The following CACNA1H variants were observed in gnomAD, a reference collection of about 807,000 sequenced individuals.
CACNA1H encodes the protein calcium voltage-gated channel subunit alpha1 H.
In CACNA1H, 149 loss-of-function variants were observed where a neutral mutation model predicts 192.5. The observed-to-expected ratio is 0.77, with a 90% CI of 0.68 to 0.89. The LOEUF is 0.89. Among genes scored for constraint, CACNA1H ranks in the 40% least tolerant of loss-of-function variants. The pLI is 0.00. For missense variants in CACNA1H, 4,257 were observed against 3,423.5 expected, an observed-to-expected ratio of 1.24 and a Z score of -6.08; for synonymous variants, 2,202 against 1,475.2, an observed-to-expected ratio of 1.49 and a Z score of -11.29.
rs371550084 is a variant in CACNA1H at position 1,220,213 on chromosome 16, C to G, written c.6281C>G (p.Ser2094Trp). ...CCAGGCGGAGAGGAGGCCGAGGCCT[C>G]GGACCCAGCCGACGAGGAGGTCAGC... ...AAPGGEEAEA[S>W]DPADEEVSHI... The change falls in exon 35 of 35, where the codon TCG (serine) becomes TGG (tryptophan). Residue 2094 changes from serine to tryptophan, a missense_variant. Coordinates refer to ENST00000348261, the MANE Select transcript of CACNA1H (RefSeq NM_021098.3). 1.6e-5 allele frequency: 25 copies of G among 1,570,624 alleles called. No homozygotes were observed. In the African/African-American group the frequency reaches 2.6e-4, roughly 17 times the overall value.
chr16:1,175,674 C>A (rs1964810808), intron 2 of CACNA1H, among the ~76,000 whole-genome samples: 1 of 152,248 alleles, frequency 6.6e-6, no homozygotes, highest in Non-Finnish European at 1.5e-5. Flanking sequence ...AGTTACTCCG[C>A]AGATGCCGGA....
Position 1,213,894 on chromosome 16 carries a change from T to C in CACNA1H, c.4892T>C (p.Val1631Ala). The change falls in exon 27 of 35, where the codon GTC becomes GCC. Residue 1631 changes from valine (V) to alanine (A), a missense_variant. Coordinates refer to ENST00000348261, the MANE Select transcript of CACNA1H (RefSeq NM_021098.3). ...ATCACCTTCATCATCTGTGTCAACG[T>C]CATCACCATGTCCATGGAGCACTAT... is the stretch of plus-strand genomic sequence containing the variant. Reference protein sequence around the residue: ...LFITFIICVNVITMSMEHYNQ... With the variant: ...LFITFIICVNAITMSMEHYNQ... 6.2e-7 allele frequency: 1 copy of C among 1,612,046 alleles called. No homozygotes were observed. The highest frequency in any genetic ancestry group is 8.5e-7 in the Non-Finnish European group (1 of 1,179,470).
Position 1,221,265 on chromosome 16 carries a change from G to C in CACNA1H, c.*271G>C, listed in dbSNP as rs1970462467. ...GGGCAACTGGGTCAGCCTCCCGTCAGGAGAGAAGCCGCGTCTGTGGGACGA... is the reference window on the plus strand; with the variant it reads ...GGGCAACTGGGTCAGCCTCCCGTCACGAGAGAAGCCGCGTCTGTGGGACGA... On this transcript the variant is annotated 3_prime_UTR_variant, in exon 35 of 35. Transcript: ENST00000348261. 4 of 463,144 alleles carry C rather than the reference G, an allele frequency of 8.6e-6. No homozygotes were observed. The highest frequency in any genetic ancestry group is 5.9e-5 in the African/African-American group (3 of 50,784). 28.7% of individuals were successfully genotyped at this position (463,144 alleles called of 1,614,324 possible). A position where few individuals can be genotyped will look rare whatever the true frequency, so the allele number is the denominator to read the frequency against.
rs1465896570 is a variant in CACNA1H at position 1,153,231 on chromosome 16, C to T, written c.-258C>T. 2.7e-5 allele frequency: 4 copies of T among 145,680 alleles called. No individual in the cohort carries two copies. Among genetic ancestry groups the T allele is most frequent in the Non-Finnish European group, 4.6e-5 (3 of 65,346 alleles). 9.0% of individuals were successfully genotyped at this position (145,680 alleles called of 1,614,324 possible). A position where few individuals can be genotyped will look rare whatever the true frequency, so the allele number is the denominator to read the frequency against. On this transcript the variant is annotated 5_prime_UTR_variant, in exon 1 of 35. Coordinates refer to ENST00000348261, the MANE Select transcript of CACNA1H (RefSeq NM_021098.3). Reference sequence around the variant, plus strand: ...CCTCACCCGTCCGCTCAGCGGCCTCCACGCCGCGCCGAGGCCGCCGCCGTC... The same window carrying T: ...CCTCACCCGTCCGCTCAGCGGCCTCTACGCCGCGCCGAGGCCGCCGCCGTC...
At chr16:1,179,441 C>T (rs1420386091) in intron 2 of CACNA1H, among the ~76,000 whole-genome samples, 3 of 152,142 alleles carry the variant, frequency 2.0e-5, no homozygotes, top group African/African-American at 4.8e-5. Flanking sequence ...GCTGTTCCGT[C>T]CTCCTCATTT....
intron 25 of CACNA1H, 170 bp downstream of exon 25, chr16:1,212,308 G>A (rs1050043409): frequency 9.0e-5 from 106 of 1,178,174 alleles, no homozygotes; most frequent in South Asian, 2.7e-4. Flanking sequence ...CGAGAGGGCC[G>A]TCGGGGAGCC....
At position 1,213,940 on chromosome 16, in the gene CACNA1H, G is replaced by A. The variant is rs758205516; in HGVS notation, c.4929+9G>A. ...ACTATAACCAACCCAAGGTGGGTGC[G>A]AGGGGGCCGCGAGGGGCCCAGGGGC... On this transcript the variant is annotated intron_variant, in intron 27 of 34. Coordinates refer to ENST00000348261, the MANE Select transcript of CACNA1H (RefSeq NM_021098.3). The A allele has an allele frequency of 3.8e-5, 61 of 1,607,300 alleles. No homozygotes were observed. Among genetic ancestry groups the A allele is most frequent in the Admixed American group, 6.7e-5 (4 of 59,388 alleles).
chr16:1,190,921 C>T (rs1435918146), intron 2 of CACNA1H, among the ~76,000 whole-genome samples: 8 of 148,940 alleles, frequency 5.4e-5, no homozygotes, highest in African/African-American at 1.0e-4. Context: ...CAGGCACACT[C>T]GGGGTTTCGC....
chr16:1,175,762 C>T (rs1964820150), intron 2 of CACNA1H, among the ~76,000 whole-genome samples: 1 of 152,188 alleles, frequency 6.6e-6, no homozygotes, highest in Non-Finnish European at 1.5e-5. Flanking sequence ...AGGAGTGTTC[C>T]CAGGCTGGGC....
chr16:1,176,744 A>C (rs1324060871), intron 2 of CACNA1H, among the ~76,000 whole-genome samples: 2 of 152,088 alleles, frequency 1.3e-5, no homozygotes, highest in South Asian at 2.1e-4. Flanking sequence ...AGCTCAGTTT[A>C]TCAGCCCAGA....
intron 2 of CACNA1H, 25 bp downstream of exon 2, chr16:1,154,061 CG>C (rs1195413218): frequency 2.6e-4 from 14 of 53,512 alleles, no homozygotes; most frequent in Middle Eastern, 5.0e-3. Context: ...CGGCGGGGGG[CG>C]GGGGGCGGGG....
At position 1,167,232 on chromosome 16, in the gene CACNA1H, G is replaced by A. The variant is rs1039781902; in HGVS notation, c.299+13196G>A. On this transcript the variant is annotated intron_variant, in intron 2 of 34. Transcript: ENST00000348261. The surrounding 1 kb of genome is among the most constrained non-coding windows in gnomAD (Gnocchi z 4.2). ...GAAACGGGCTCTTTGCGGGGGGCCT[G>A]TGGGGTATGGGCCTCCTGTCAGCAG... 6.6e-6 allele frequency among the ~76,000 whole-genome samples: 1 copy of A among 152,196 alleles called. No homozygotes were observed. The highest frequency in any genetic ancestry group is 6.5e-5 in the Admixed American group (1 of 15,286).
intron 5 of CACNA1H, among the ~76,000 whole-genome samples, chr16:1,198,408 C>T (rs189742850): frequency 1.8e-4 from 28 of 152,174 alleles, no homozygotes; most frequent in African/African-American, 6.0e-4. Flanking sequence ...GTGTCAGTGT[C>T]CCTGGAGGCC....
At chr16:1,216,833 C>T in intron 30 of CACNA1H, 99 bp from the exon 31 acceptor site, 1 of 931,484 alleles carries the variant, frequency 1.1e-6, no homozygotes, top group Non-Finnish European at 1.7e-6. Context: ...AGAAGGTGGG[C>T]AGGTGGGGTC....
intron 26 of CACNA1H, 51 bp downstream of exon 26, chr16:1,212,579 C>CG: frequency 6.3e-7 from 1 of 1,579,872 alleles, no homozygotes; most frequent in Non-Finnish European, 8.6e-7. Context: ...GGCCGCTGCT[C>CG]GGGGAAGGGC....
At chr16:1,177,230 G>T (rs985707523) in intron 2 of CACNA1H, among the ~76,000 whole-genome samples, 4 of 152,198 alleles carry the variant, frequency 2.6e-5, no homozygotes, top group African/African-American at 9.7e-5. Flanking sequence ...ACTCCACCAG[G>T]GGCTGCTGTC....
chr16:1,196,372 C>T (rs552729688), intron 5 of CACNA1H, among the ~76,000 whole-genome samples: 1 of 152,364 alleles, frequency 6.6e-6, no homozygotes, highest in South Asian at 2.1e-4. Context: ...TGCTGTCTGG[C>T]GCATCCTGGT....
At position 1,204,025 on chromosome 16, in the gene CACNA1H, C is replaced by T. The variant is rs1466381514; in HGVS notation, c.2018C>T (p.Pro673Leu). Residue 673 changes from proline to leucine, a missense_variant, in exon 10 of 35, where the codon CCT (proline) becomes CTT (leucine). Physicochemically the swap from Pro to Leu is moderately conservative, Grantham distance 98. Coordinates refer to ENST00000348261, the MANE Select transcript of CACNA1H (RefSeq NM_021098.3). ...TCTCCCGCAGGACTGGGCCAGGCCC[C>T]TGGCCATCTGTCGGGCCTCAGTGTG... is the stretch of plus-strand genomic sequence containing the variant. ...VVGEHGLGQAPGHLSGLSVPC... is the reference protein window; with the variant it reads ...VVGEHGLGQALGHLSGLSVPC... 6.4e-7 allele frequency: 1 copy of T among 1,558,286 alleles called. No individual in the cohort carries two copies. The highest frequency in any genetic ancestry group is 8.7e-7 in the Non-Finnish European group (1 of 1,152,232).
At chr16:1,189,964 C>T (rs1596366363) in intron 2 of CACNA1H, among the ~76,000 whole-genome samples, 1 of 152,224 alleles carries the variant, frequency 6.6e-6, no homozygotes, top group South Asian at 2.1e-4. Flanking sequence ...ACAATGTGGT[C>T]CCCACAACCT....
Sources: allele counts gnomAD v4.1 joint callset (sites outside exome capture counted in the v4.1 genomes callset), GRCh38; gene constraint gnomAD v4.1.1; non-coding constraint Gnocchi (gnomAD v3.1); transcripts MANE v1.5; gene names NCBI Gene and HGNC (gene_info 2026-07-23, HGNC 2026-07-21).